The following SVEP1 variants were observed in gnomAD, a reference collection of about 807,000 sequenced individuals.
The protein encoded by SVEP1 is sushi, von Willebrand factor type A, EGF and pentraxin domain-containing protein 1.
A neutral mutation model predicts 367.3 loss-of-function variants in SVEP1; 164 were observed. The ratio of observed to expected loss-of-function variants is 0.45; its 90% confidence interval spans 0.39 to 0.51. The LOEUF (loss-of-function observed/expected upper bound fraction) is 0.51, where lower values mean the gene tolerates loss of function less well. SVEP1 is among the 20% of genes least tolerant of loss of function. The pLI is 0.00. For missense variants in SVEP1, 4,117 were observed against 4,425.3 expected, an observed-to-expected ratio of 0.93 and a Z score of 1.98; for synonymous variants, 1,666 against 1,611.6, an observed-to-expected ratio of 1.03 and a Z score of -0.81.
chr9:110,519,466 G>T lies in SVEP1; in HGVS notation c.965-5360C>A, dbSNP rs183433799. 3.1e-4 allele frequency among the ~76,000 whole-genome samples: 47 copies of T among 152,138 alleles called. No individual in the cohort carries two copies. The East Asian group carries it at 7.1e-3, about 23-fold the overall frequency. ...CAAGACTCTAACTCATTCTTTAAAG[G>T]TTCTCTAACTTCTTCAGACAAATTT... On this transcript the variant is annotated intron_variant, in intron 3 of 47. Transcript: ENST00000374469.
intron 22 of SVEP1, among the ~76,000 whole-genome samples, chr9:110,455,082 G>A (rs1828758105): frequency 6.6e-6 from 1 of 152,162 alleles, no homozygotes; most frequent in South Asian, 2.1e-4. Context: ...ACAATTTCAA[G>A]GATACATGCG....
chr9:110,526,568 T>C (rs1392952487), intron 3 of SVEP1, among the ~76,000 whole-genome samples: 1 of 152,172 alleles, frequency 6.6e-6, no homozygotes, highest in Non-Finnish European at 1.5e-5. Context: ...GGATCACTCA[T>C]ACATTTCTGA....
At chr9:110,557,186 C>T (rs1328092532) in intron 1 of SVEP1, among the ~76,000 whole-genome samples, 1 of 152,148 alleles carries the variant, frequency 6.6e-6, no homozygotes, top group Non-Finnish European at 1.5e-5. Context: ...TTCATATATT[C>T]TAGTATGTTT....
chr9:110,372,232 T>A (rs1171962062), intron 46 of SVEP1, among the ~76,000 whole-genome samples: 1 of 152,256 alleles, frequency 6.6e-6, no homozygotes, highest in African/African-American at 2.4e-5. Flanking sequence ...CAACATTTGG[T>A]TAGTTTACCC....
chr9:110,571,182 G>A (rs1830558631), intron 1 of SVEP1, among the ~76,000 whole-genome samples: 1 of 151,794 alleles, frequency 6.6e-6, no homozygotes, highest in African/African-American at 2.4e-5. Context: ...TCACCATGTT[G>A]GCCAGGCTGG....
intron 36 of SVEP1, among the ~76,000 whole-genome samples, chr9:110,425,456 C>T (rs1333125503): frequency 6.6e-6 from 1 of 152,182 alleles, no homozygotes; most frequent in Admixed American, 6.5e-5. Flanking sequence ...TTTCCACAGA[C>T]TATGATCTTG....
In SVEP1 at chr9:110,544,778, G is replaced by A. The variant is rs144026571; in HGVS notation, c.964+1337C>T. On this transcript the variant is annotated intron_variant, in intron 3 of 47. Transcript: ENST00000374469. ...TCATTTATTCGTGTTGGGAACATTCGAATCCTCTCTTCTAGCTATTTGAAG... is the reference window on the plus strand; with the variant it reads ...TCATTTATTCGTGTTGGGAACATTCAAATCCTCTCTTCTAGCTATTTGAAG... Among the ~76,000 whole-genome samples, 264 of 146,646 alleles carry A rather than the reference G, an allele frequency of 1.8e-3. 4 individuals carry two copies. The highest frequency in any genetic ancestry group is 9.9e-3 in the East Asian group (46 of 4,642).
In SVEP1 at chr9:110,503,049, G is replaced by T; in HGVS notation, c.1472C>A (p.Pro491His). 6.2e-7 allele frequency: 1 copy of T among 1,604,106 alleles called. No homozygotes were observed. The highest frequency in any genetic ancestry group is 8.5e-7 in the Non-Finnish European group (1 of 1,173,276). Residue 491 changes from proline to histidine, a missense_variant, in exon 6 of 48, where the codon CCC becomes CAC. Pro to His is a moderately conservative substitution (Grantham distance 77). Around this residue, in one of 4 missense-constraint regions of SVEP1, gnomAD observed 2,174 missense variants for 2,494.3 expected, o/e 0.87. Transcript: ENST00000374469. ...TTCTAGAAACTTACCCACACACCGG[G>T]GTTCTGGCCCATCCCACTGGCTGTT... is the stretch of plus-strand genomic sequence containing the variant. Reference protein sequence around the residue: ...QGNSQWDGPEPRCVERHCSTF... With the variant: ...QGNSQWDGPEHRCVERHCSTF...
intron 1 of SVEP1, among the ~76,000 whole-genome samples, chr9:110,564,014 G>C (rs898070818): frequency 6.6e-6 from 1 of 152,184 alleles, no homozygotes; most frequent in Non-Finnish European, 1.5e-5. Flanking sequence ...AATCCAAACA[G>C]AAAGGGACAA....
intron 33 of SVEP1, 127 bp from the exon 34 acceptor site, chr9:110,430,131 T>TGG: frequency 8.9e-7 from 1 of 1,129,856 alleles, no homozygotes; most frequent in Non-Finnish European, 1.2e-6. Flanking sequence ...TTGGTGTGTG[T>TGG]GTGTGGGGTC....
intron 18 of SVEP1, among the ~76,000 whole-genome samples, chr9:110,465,443 T>G (rs1828920378): frequency 6.6e-6 from 1 of 152,190 alleles, no homozygotes; most frequent in Admixed American, 6.5e-5. Flanking sequence ...GAATAACTAC[T>G]CACGAAAACC....
intron 40 of SVEP1, among the ~76,000 whole-genome samples, chr9:110,395,163 ACT>A (rs1243154356): frequency 2.0e-4 from 30 of 152,254 alleles, no homozygotes; most frequent in Non-Finnish European, 7.3e-5. Context: ...CTCAGCAGAA[ACT>A]CTACAAGCCA....
intron 1 of SVEP1, among the ~76,000 whole-genome samples, chr9:110,550,609 C>G (rs778542938): frequency 1.8e-4 from 28 of 152,086 alleles, no homozygotes; most frequent in Non-Finnish European, 3.8e-4. Flanking sequence ...CATGTCTTTT[C>G]CAGAGTCAAT....
chr9:110,536,543 A>G (rs7860069), intron 3 of SVEP1, among the ~76,000 whole-genome samples: 114,400 of 151,738 alleles, frequency 0.75, 44,006 homozygotes, highest in Middle Eastern at 0.83. Context: ...TCACAATTGC[A>G]TTTCATTTTT....
At chr9:110,379,954 C>A (rs1258551320) in intron 43 of SVEP1, among the ~76,000 whole-genome samples, 1 of 152,156 alleles carries the variant, frequency 6.6e-6, no homozygotes, top group East Asian at 1.9e-4. Flanking sequence ...TAATGCCTAG[C>A]ATTTATTAGT....
rs754586914 is a variant in SVEP1, at chr9:110,479,647, G to A, written c.2475C>T (p.Thr825=). The part of the protein sequence containing the change: ...MKKFSEAFET[T]LGKMVPSFCS... Reference sequence around the variant, plus strand: ...ACTATTGATGTACCATTTTTCCCAGGGTCGTCTCAAATGCTTCAGAAAACT... The same window carrying A: ...ACTATTGATGTACCATTTTTCCCAGAGTCGTCTCAAATGCTTCAGAAAACT... The change falls in exon 13 of 48, where the codon ACC becomes ACT. Residue 825 remains threonine (T), a synonymous_variant. Coordinates refer to ENST00000374469, the MANE Select transcript of SVEP1 (RefSeq NM_153366.4). 1 of 1,604,856 alleles carries A rather than the reference G, an allele frequency of 6.2e-7. No individual in the cohort carries two copies. The highest frequency in any genetic ancestry group is 1.7e-5 in the Admixed American group (1 of 57,346).
rs1425636707 is a variant in SVEP1 at position 110,407,969 on chromosome 9, C to A, written c.7631G>T (p.Trp2544Leu). Reference protein sequence around the residue: ...SALTCLETGDWDVDAPSCNAI... With the variant: ...SALTCLETGDLDVDAPSCNAI... ...ATTGCAAGATGGGGCATCTACATCC[C>A]AATCACCTGTCTCTAAACAGGTCAA... is the stretch of plus-strand genomic sequence containing the variant. Residue 2544 changes from tryptophan (W) to leucine (L), a missense_variant, in exon 38 of 48, where the codon TGG becomes TTG. This residue lies in a region of SVEP1 where 1,765 missense variants were observed against 1,781.1 expected (regional missense o/e 0.99). Coordinates refer to ENST00000374469, the MANE Select transcript of SVEP1 (RefSeq NM_153366.4). 5 of 1,613,900 alleles carry A rather than the reference C, an allele frequency of 3.1e-6. No homozygotes were observed. Among genetic ancestry groups the A allele is most frequent in the Non-Finnish European group, 4.2e-6 (5 of 1,179,892 alleles).
intron 38 of SVEP1, among the ~76,000 whole-genome samples, chr9:110,405,880 A>G (rs564853635): frequency 1.3e-4 from 20 of 152,370 alleles, no homozygotes; most frequent in South Asian, 4.1e-4. Context: ...TTTTCAAGCT[A>G]GCTAGAGGAT....
At chr9:110,530,219 G>A in intron 3 of SVEP1, among the ~76,000 whole-genome samples, 1 of 152,190 alleles carries the variant, frequency 6.6e-6, no homozygotes, top group South Asian at 2.1e-4. Context: ...GTTGATTAAA[G>A]TGAATTGTCT....
Sources: allele counts gnomAD v4.1 joint callset (sites outside exome capture counted in the v4.1 genomes callset), GRCh38; gene constraint gnomAD v4.1.1; regional missense constraint gnomAD v4.1.1; transcripts MANE v1.5; gene names NCBI Gene and HGNC (gene_info 2026-07-23, HGNC 2026-07-21).